PCOLCE2: variants seen among roughly 807,000 people sequenced by gnomAD.
The protein encoded by PCOLCE2 is procollagen C-proteinase enhancer 2.
PCOLCE2 carries 42 observed loss-of-function variants against 47.0 expected under a neutral mutation model. The observed-to-expected ratio is 0.89, with a 90% CI of 0.70 to 1.16. PCOLCE2 has a LOEUF of 1.16. Among genes scored for constraint, PCOLCE2 ranks in the 50% most tolerant of loss-of-function variants. PCOLCE2 has a pLI of 0.00. For missense variants in PCOLCE2, 500 were observed against 526.1 expected, an observed-to-expected ratio of 0.95 and a Z score of 0.49; for synonymous variants, 169 against 191.7, an observed-to-expected ratio of 0.88 and a Z score of 0.98.
intron 2 of PCOLCE2, among the ~76,000 whole-genome samples, chr3:142,871,091 G>A (rs1933379372): frequency 6.6e-6 from 1 of 152,152 alleles, no homozygotes; most frequent in Non-Finnish European, 1.5e-5. Context: ...ACAGTTGATT[G>A]CATCTTCATC....
chr3:142,886,949 A>G (rs1440784996), intron 2 of PCOLCE2, among the ~76,000 whole-genome samples: 1 of 152,240 alleles, frequency 6.6e-6, no homozygotes, highest in African/African-American at 2.4e-5. Flanking sequence ...GTATTCAATT[A>G]CTAAACAACT....
intron 5 of PCOLCE2, among the ~76,000 whole-genome samples, chr3:142,837,413 G>A (rs1937215749): frequency 6.6e-6 from 1 of 152,058 alleles, no homozygotes; most frequent in Non-Finnish European, 1.5e-5. Flanking sequence ...GTATGGTTAT[G>A]CTTAAATTAT....
chr3:142,866,924 C>T (rs1232627800), intron 2 of PCOLCE2, among the ~76,000 whole-genome samples: 1 of 152,238 alleles, frequency 6.6e-6, no homozygotes, highest in African/African-American at 2.4e-5. Flanking sequence ...GCAGTTCCCA[C>T]TCCCTTTTCT....
At chr3:142,852,140 G>T (rs560776145) in intron 2 of PCOLCE2, among the ~76,000 whole-genome samples, 2 of 152,344 alleles carry the variant, frequency 1.3e-5, no homozygotes, top group East Asian at 3.8e-4. Flanking sequence ...AGAGACAAAT[G>T]TCATCTTGCA....
intron 2 of PCOLCE2, among the ~76,000 whole-genome samples, chr3:142,849,691 G>C (rs1220192603): frequency 6.6e-6 from 1 of 151,940 alleles, no homozygotes; most frequent in Non-Finnish European, 1.5e-5. Context: ...AATCAGATGA[G>C]GTCTCCACTG....
chr3:142,887,414 G>A (rs1933736863), intron 2 of PCOLCE2: 1 of 324,088 alleles, frequency 3.1e-6, no homozygotes, highest in Non-Finnish European at 5.6e-6. Context: ...GTCACACTGG[G>A]CTTTCAGAAA....
chr3:142,850,983 A>G (rs1434073600), intron 2 of PCOLCE2, among the ~76,000 whole-genome samples: 1 of 152,238 alleles, frequency 6.6e-6, no homozygotes, highest in Non-Finnish European at 1.5e-5. Flanking sequence ...GATCTACAGA[A>G]GGAACAGCTG....
At chr3:142,827,400 C>G (rs1937094127) in intron 6 of PCOLCE2, 1 of 1,566,892 alleles carries the variant, frequency 6.4e-7, no homozygotes, top group Admixed American at 1.7e-5. Context: ...GAGGAGACAA[C>G]CTTCTTGGAG....
intron 2 of PCOLCE2, among the ~76,000 whole-genome samples, chr3:142,860,387 TA>T (rs750594112): frequency 3.3e-5 from 5 of 151,502 alleles, no homozygotes; most frequent in Non-Finnish European, 7.4e-5. Context: ...GCTGGGCTAA[TA>T]TTTTTTTTCA....
intron 6 of PCOLCE2, 64 bp downstream of exon 6, chr3:142,829,628 C>A: frequency 1.6e-6 from 2 of 1,256,824 alleles, no homozygotes; most frequent in South Asian, 1.8e-5. Flanking sequence ...TTTTTTTCTA[C>A]TTTAAAAGAA....
intron 7 of PCOLCE2, among the ~76,000 whole-genome samples, chr3:142,823,311 A>T (rs1024337731): frequency 6.6e-6 from 1 of 152,232 alleles, no homozygotes; most frequent in Non-Finnish European, 1.5e-5. Flanking sequence ...CAAGAGTCAA[A>T]TTATTAAGCT....
chr3:142,872,291 C>A (rs1560140576), intron 2 of PCOLCE2, among the ~76,000 whole-genome samples: 1 of 152,238 alleles, frequency 6.6e-6, no homozygotes, highest in South Asian at 2.1e-4. Context: ...TTGTAAATAA[C>A]CCCCCTTGAA....
At position 142,823,586 on chromosome 3, in the gene PCOLCE2, G is replaced by T; in HGVS notation, c.895C>A (p.Gln299Lys). The change falls in exon 7 of 9, where the codon CAA becomes AAA. Residue 299 changes from glutamine to lysine, a missense_variant. By Grantham distance (53) the Gln-to-Lys change is moderately conservative (BLOSUM62 1). Coordinates refer to ENST00000295992, the MANE Select transcript of PCOLCE2 (RefSeq NM_013363.4). Reference sequence around the variant, plus strand: ...AGAGTCCCCGTCCGTCTACACTTTTGTTGACACAAGGCCACGGTGGGTTTT... The same window carrying T: ...AGAGTCCCCGTCCGTCTACACTTTTTTTGACACAAGGCCACGGTGGGTTTT... Reference protein sequence around the residue: ...GLKPTVALCQQKCRRTGTLEG... With the variant: ...GLKPTVALCQKKCRRTGTLEG... 4 of 1,609,840 alleles carry T rather than the reference G, an allele frequency of 2.5e-6. No homozygotes were observed. Among genetic ancestry groups the T allele is most frequent in the Non-Finnish European group, 3.4e-6 (4 of 1,176,422 alleles).
intron 6 of PCOLCE2, among the ~76,000 whole-genome samples, chr3:142,826,118 C>A (rs1937074022): frequency 6.6e-6 from 1 of 152,058 alleles, no homozygotes; most frequent in South Asian, 2.1e-4. Flanking sequence ...CATTCTCCTG[C>A]CTCAGCCTCC....
At chr3:142,860,919 T>C (rs1339216506) in intron 2 of PCOLCE2, among the ~76,000 whole-genome samples, 1 of 152,206 alleles carries the variant, frequency 6.6e-6, no homozygotes, top group African/African-American at 2.4e-5. Context: ...ACTTCACTTC[T>C]TCACCAATTC....
At chr3:142,888,603 C>T in intron 1 of PCOLCE2, 1 of 421,346 alleles carries the variant, frequency 2.4e-6, no homozygotes, top group Non-Finnish European at 4.3e-6. Flanking sequence ...GGGCTGGGGA[C>T]CCAGGAGGGA....
At chr3:142,833,049 C>T (rs1937168193) in intron 5 of PCOLCE2, among the ~76,000 whole-genome samples, 1 of 152,194 alleles carries the variant, frequency 6.6e-6, no homozygotes, top group Admixed American at 6.5e-5. Context: ...AGCCACTACC[C>T]TGAATTTTGT....
intron 2 of PCOLCE2, among the ~76,000 whole-genome samples, chr3:142,873,592 A>G (rs1315983243): frequency 2.0e-5 from 3 of 152,214 alleles, no homozygotes; most frequent in Non-Finnish European, 1.5e-5. Context: ...AGCATAATAC[A>G]TATTTATATT....
In PCOLCE2 at chr3:142,842,026, C is replaced by T. The variant is rs1318708851; in HGVS notation, c.573+898G>A. ...ATTAATAAATACTGGAAAAGTCGAC[C>T]TTCTCTGTTGATTATTTCAGAACAA... On this transcript the variant is annotated intron_variant, in intron 4 of 8. Transcript: ENST00000295992. This position sits in a 1 kb window ranked among gnomAD's most constrained non-coding sequence, Gnocchi z 4.1. Among the ~76,000 whole-genome samples the T allele has an allele frequency of 2.0e-5, 3 of 152,132 alleles. No homozygotes were observed. Among genetic ancestry groups the T allele is most frequent in the Admixed American group, 1.3e-4 (2 of 15,262 alleles).
Sources: gnomAD v4.1 joint callset for allele counts (sites outside exome capture counted in the v4.1 genomes callset) on GRCh38, gnomAD v4.1.1 for gene constraint, Gnocchi (gnomAD v3.1) non-coding constraint, MANE v1.5 for transcripts, NCBI Gene and HGNC (gene_info 2026-07-23, HGNC 2026-07-21) for gene names.